PLXDC2: variants seen among roughly 807,000 people sequenced by gnomAD.
PLXDC2 encodes the protein plexin domain-containing protein 2.
A neutral mutation model predicts 68.9 loss-of-function variants in PLXDC2; 40 were observed. The ratio of observed to expected loss-of-function variants is 0.58; its 90% confidence interval spans 0.45 to 0.76. PLXDC2 has a LOEUF of 0.76. Ranked by LOEUF, PLXDC2 falls within the 30% of genes least tolerant of loss-of-function variation. The pLI is 0.00. For missense variants in PLXDC2, 644 were observed against 661.9 expected, an observed-to-expected ratio of 0.97 and a Z score of 0.30; for synonymous variants, 243 against 234.2, an observed-to-expected ratio of 1.04 and a Z score of -0.34.
At chr10:20,244,790 A>C (rs566658427) in intron 12 of PLXDC2, among the ~76,000 whole-genome samples, 1 of 152,182 alleles carries the variant, frequency 6.6e-6, no homozygotes, top group Non-Finnish European at 1.5e-5. Context: ...TTTGAGAATA[A>C]AAGCTATTCA....
At chr10:19,955,370 T>C (rs1055814673) in intron 1 of PLXDC2, among the ~76,000 whole-genome samples, 2 of 151,894 alleles carry the variant, frequency 1.3e-5, no homozygotes, top group African/African-American at 4.8e-5. Context: ...ACTATGTTCC[T>C]AGAAAAATGA....
At chr10:19,890,952 G>A (rs1235897129) in intron 1 of PLXDC2, among the ~76,000 whole-genome samples, 4 of 151,878 alleles carry the variant, frequency 2.6e-5, no homozygotes, top group African/African-American at 9.7e-5. Flanking sequence ...GGAAATTCTT[G>A]TCCCACTCCT....
chr10:20,117,296 T>A (rs913323656), intron 4 of PLXDC2, among the ~76,000 whole-genome samples: 1 of 152,194 alleles, frequency 6.6e-6, no homozygotes, highest in Non-Finnish European at 1.5e-5. Context: ...ACAAATACCA[T>A]GTTCATGGAT....
chr10:20,195,355 T>G (rs1834823675), intron 9 of PLXDC2, among the ~76,000 whole-genome samples: 1 of 152,072 alleles, frequency 6.6e-6, no homozygotes, highest in Non-Finnish European at 1.5e-5. Context: ...ACCCAGCCAT[T>G]CTTTCTGCAG....
At chr10:19,817,751 C>G (rs1401645826) in intron 1 of PLXDC2, among the ~76,000 whole-genome samples, 3 of 152,184 alleles carry the variant, frequency 2.0e-5, no homozygotes, top group African/African-American at 7.2e-5. Context: ...ATGCGGCCGG[C>G]GCAGAGGTGG....
At chr10:19,924,919 A>G (rs979565631) in intron 1 of PLXDC2, among the ~76,000 whole-genome samples, 1 of 152,246 alleles carries the variant, frequency 6.6e-6, no homozygotes, top group African/African-American at 2.4e-5. Context: ...ATTACCATCT[A>G]TAGAGATCAT....
chr10:19,867,050 G>C (rs944472448), intron 1 of PLXDC2, among the ~76,000 whole-genome samples: 1 of 148,248 alleles, frequency 6.7e-6, no homozygotes, highest in Non-Finnish European at 1.5e-5. Context: ...TTGGAATTCG[G>C]TCCTCCTTTC....
intron 4 of PLXDC2, among the ~76,000 whole-genome samples, chr10:20,090,638 A>T (rs182243455): frequency 1.3e-5 from 2 of 152,156 alleles, no homozygotes; most frequent in African/African-American, 4.8e-5. Flanking sequence ...GAAAAAAATT[A>T]CAGAAAAGTC....
chr10:19,861,202 T>G (rs1837314693), intron 1 of PLXDC2, among the ~76,000 whole-genome samples: 1 of 151,896 alleles, frequency 6.6e-6, no homozygotes, highest in Non-Finnish European at 1.5e-5. Context: ...GCCTGGCTAA[T>G]TTTTGTATTT....
intron 13 of PLXDC2, among the ~76,000 whole-genome samples, chr10:20,261,054 A>G (rs188410330): frequency 6.6e-6 from 1 of 152,194 alleles, no homozygotes; most frequent in East Asian, 1.9e-4. Context: ...TGGTTTTTTT[A>G]TATTGAGTTG....
intron 1 of PLXDC2, among the ~76,000 whole-genome samples, chr10:19,893,975 C>G (rs185414418): frequency 6.6e-6 from 1 of 152,312 alleles, no homozygotes; most frequent in African/African-American, 2.4e-5. Flanking sequence ...ACCCTCTTCA[C>G]TGCCCTAGAG....
chr10:19,903,904 TA>T (rs1479811416), intron 1 of PLXDC2, among the ~76,000 whole-genome samples: 6 of 152,214 alleles, frequency 3.9e-5, no homozygotes, highest in African/African-American at 1.2e-4. Flanking sequence ...TCAGTTCAAA[TA>T]TTTTTTTAAT....
chr10:20,133,128 A>T (rs1589646347), intron 4 of PLXDC2, among the ~76,000 whole-genome samples: 1 of 152,194 alleles, frequency 6.6e-6, no homozygotes. Flanking sequence ...TTTTTTGTAG[A>T]TGACTTCACA....
At chr10:20,032,580 A>T (rs1195367424) in intron 2 of PLXDC2, among the ~76,000 whole-genome samples, 1 of 152,158 alleles carries the variant, frequency 6.6e-6, no homozygotes, top group Non-Finnish European at 1.5e-5. Context: ...AAGTAGCCTA[A>T]TAGAAACAAT....
Position 19,935,533 on chromosome 10 carries a change from C to T in PLXDC2, c.113-66242C>T, listed in dbSNP as rs74122121. The stretch of plus-strand genomic sequence containing the variant: ...CTGGGAGCTCAGGCTGGACGTGCCA[C>T]CACTTCCTCTTTGGCTGCAATGCAC... On this transcript the variant is annotated intron_variant, in intron 1 of 13. Coordinates refer to ENST00000377252, the MANE Select transcript of PLXDC2 (RefSeq NM_032812.9). Among the ~76,000 whole-genome samples the T allele has an allele frequency of 7.9e-3, 1,209 of 152,296 alleles. 21 individuals carry two copies. Among genetic ancestry groups the T allele is most frequent in the African/African-American group, 0.028 (1,152 of 41,566 alleles).
rs74122103 is a variant in PLXDC2, at chr10:19,889,957, G to A, written c.112+72766G>A. Among the ~76,000 whole-genome samples, 1,221 of 152,338 alleles carry A rather than the reference G, an allele frequency of 8.0e-3. 21 individuals carry two copies. Among genetic ancestry groups the A allele is most frequent in the African/African-American group, 0.028 (1,169 of 41,580 alleles). The stretch of plus-strand genomic sequence containing the variant: ...ACAGAGGAAGCCACTGAGGCGTAGA[G>A]TAGTGACAGGTAGAATAAGTAGCAG... On this transcript the variant is annotated intron_variant, in intron 1 of 13. Coordinates refer to ENST00000377252, the MANE Select transcript of PLXDC2 (RefSeq NM_032812.9).
At chr10:20,070,149 G>A (rs1174237966) in intron 4 of PLXDC2, among the ~76,000 whole-genome samples, 1 of 152,168 alleles carries the variant, frequency 6.6e-6, no homozygotes, top group African/African-American at 2.4e-5. Context: ...GTTAAGATTG[G>A]AAAAGTAGGT....
At chr10:19,874,392 A>T (rs1837596731) in intron 1 of PLXDC2, among the ~76,000 whole-genome samples, 6 of 152,204 alleles carry the variant, frequency 3.9e-5, no homozygotes, top group Admixed American at 3.3e-4. Context: ...CTAGAAATAG[A>T]GTCTTCCTAA....
chr10:19,816,639 G>T lies in PLXDC2; in HGVS notation c.-441G>T, dbSNP rs1836346974. On this transcript the variant is annotated 5_prime_UTR_variant, in exon 1 of 14. Transcript: ENST00000377252. Reference sequence around the variant, plus strand: ...AGGAAAGTTCCTGCAGAGCCGACCAGCCCTAGTGGATCTGGGGCAGGCAGC... The same window carrying T: ...AGGAAAGTTCCTGCAGAGCCGACCATCCCTAGTGGATCTGGGGCAGGCAGC... The T allele has an allele frequency of 4.5e-6, 1 of 223,420 alleles. No homozygotes were observed. Among genetic ancestry groups the T allele is most frequent in the Non-Finnish European group, 9.0e-6 (1 of 111,036 alleles). 13.8% of individuals were successfully genotyped at this position (223,420 alleles called of 1,614,324 possible).
Sources: allele counts gnomAD v4.1 joint callset (sites outside exome capture counted in the v4.1 genomes callset), GRCh38; gene constraint gnomAD v4.1.1; transcripts MANE v1.5; gene names NCBI Gene and HGNC (gene_info 2026-07-23, HGNC 2026-07-21).